AFF2: variants seen among roughly 807,000 people sequenced by gnomAD.
AFF2 encodes the protein AF4/FMR2 family member 2.
In AFF2, 14 loss-of-function variants were observed where a neutral mutation model predicts 76.9. The ratio of observed to expected loss-of-function variants is 0.18; its 90% CI spans 0.12 to 0.28. The LOEUF (loss-of-function observed/expected upper bound fraction) is 0.28, where lower values mean the gene tolerates loss of function less well. Among genes scored for constraint, AFF2 ranks in the 10% least tolerant of loss-of-function variants. AFF2 has a pLI of 1.00. For missense variants in AFF2, 868 were observed against 1,001.1 expected, an observed-to-expected ratio of 0.87 and a Z score of 1.79; for synonymous variants, 398 against 366.7, an observed-to-expected ratio of 1.09 and a Z score of -0.98.
intron 3 of AFF2, among the ~76,000 whole-genome samples, chrX:148,664,604 G>A (rs782681899): frequency 8.9e-6 from 1 of 112,038 alleles, no homozygotes; most frequent in Non-Finnish European, 1.9e-5. Flanking sequence ...TAGTGATTTA[G>A]TTATGTTTCT....
At chrX:148,585,270 A>C (rs2053455645) in intron 1 of AFF2, among the ~76,000 whole-genome samples, 1 of 111,867 alleles carries the variant, frequency 8.9e-6, no homozygotes, top group African/African-American at 3.3e-5. Context: ...TTTTGATGAA[A>C]GAGCTAGAGC....
At chrX:148,750,335 T>G (rs976197204) in intron 3 of AFF2, among the ~76,000 whole-genome samples, 13 of 111,331 alleles carry the variant, frequency 1.2e-4, no homozygotes, top group Non-Finnish European at 1.7e-4. Flanking sequence ...TCATCTTTGT[T>G]GGTTTTATTT....
At position 148,626,211 on chromosome X, in the gene AFF2, A is replaced by G. The variant is rs2053924336; in HGVS notation, c.48-25788A>G. On this transcript the variant is annotated intron_variant, in intron 1 of 20. Transcript: ENST00000370460. Reference sequence around the variant, plus strand: ...TCGGGTGGTATTGTCTTAGAGCAGCATCTCTCTACCATTTACTCTTTGTGG... The same window carrying G: ...TCGGGTGGTATTGTCTTAGAGCAGCGTCTCTCTACCATTTACTCTTTGTGG... Among the ~76,000 whole-genome samples, 3 of 110,490 alleles carry G rather than the reference A, an allele frequency of 2.7e-5. No individual in the cohort carries two copies. In the South Asian group the frequency reaches 1.2e-3, roughly 43 times the overall value.
chrX:148,573,506 CT>C lies in AFF2; in HGVS notation c.47+72372del, dbSNP rs1364542648. 8.2e-3 allele frequency among the ~76,000 whole-genome samples: 872 copies of C among 106,027 alleles called. 4 individuals are homozygous for C. Among genetic ancestry groups the C allele is most frequent in the Non-Finnish European group, 0.012 (636 of 50,885 alleles). The allele number at this position is 106,027 out of a possible 115,157, so 92.1% of individuals were successfully genotyped here. On this transcript the variant is annotated intron_variant, in intron 1 of 20. Transcript: ENST00000370460. The stretch of plus-strand genomic sequence containing the variant: ...TTGGTCTTTAAAATGGTGATAAAGA[CT>C]TTTTTTTTTGTCCTCAAGAATCACA...
intron 16 of AFF2, among the ~76,000 whole-genome samples, chrX:148,977,403 A>G (rs782638161): frequency 4.5e-5 from 5 of 110,607 alleles, no homozygotes; most frequent in Non-Finnish European, 9.4e-5. Context: ...ACCACTTTCA[A>G]TAGGAATATA....
At chrX:148,708,885 T>G in intron 3 of AFF2, among the ~76,000 whole-genome samples, 1 of 112,111 alleles carries the variant, frequency 8.9e-6, no homozygotes, top group African/African-American at 3.2e-5. Flanking sequence ...TATTTTACCG[T>G]TTTTCTGTAT....
intron 1 of AFF2, among the ~76,000 whole-genome samples, chrX:148,644,715 G>C (rs1472290978): frequency 1.8e-5 from 2 of 112,235 alleles, no homozygotes. Context: ...TTCATGAAAT[G>C]AAAAGACAAA....
intron 3 of AFF2, among the ~76,000 whole-genome samples, chrX:148,807,958 T>C (rs1279490025): frequency 6.2e-5 from 7 of 112,319 alleles, no homozygotes; most frequent in African/African-American, 2.3e-4. Flanking sequence ...TAGTTATTAA[T>C]TGGAAAATAA....
chrX:148,903,558 G>A (rs73640608), intron 8 of AFF2, among the ~76,000 whole-genome samples: 5,709 of 111,799 alleles, frequency 0.051, 350 homozygotes, highest in African/African-American at 0.18. Flanking sequence ...AACTGGAACC[G>A]GGCTCCATGT....
intron 3 of AFF2, among the ~76,000 whole-genome samples, chrX:148,732,988 G>T (rs1352401687): frequency 9.0e-6 from 1 of 111,073 alleles, no homozygotes; most frequent in Non-Finnish European, 1.9e-5. Context: ...AAAATGATTT[G>T]ATCTTTGGTC....
intron 4 of AFF2, among the ~76,000 whole-genome samples, chrX:148,811,018 T>C (rs1397619390): frequency 9.0e-6 from 1 of 111,326 alleles, no homozygotes; most frequent in Non-Finnish European, 1.9e-5. Context: ...ACCCGGAGTA[T>C]ACCTGATGTA....
chrX:148,553,978 T>C (rs782361748), intron 1 of AFF2, among the ~76,000 whole-genome samples: 10 of 111,121 alleles, frequency 9.0e-5, no homozygotes, highest in Non-Finnish European at 1.9e-4. Flanking sequence ...CATGGAAGTA[T>C]GGCTAGGAGT....
rs1557293964 is a variant in AFF2, at chrX:148,999,617, CGTGT to C, written c.*8292_*8295del. 2 of 102,203 alleles carry C rather than the reference CGTGT, an allele frequency of 2.0e-5. No individual in the cohort carries two copies. The highest frequency in any genetic ancestry group is 5.8e-4 in the East Asian group (2 of 3,449). The allele number at this position is 102,203 out of a possible 1,213,427, so 8.4% of individuals were successfully genotyped here. Reference sequence around the variant, plus strand: ...GTGTGTGTGTGCGCGCACACACGTGCGTGTGTGTGTCCCTGCATGTGCAACATGT... The same window carrying C: ...GTGTGTGTGTGCGCGCACACACGTGCGTGTGTCCCTGCATGTGCAACATGT... On this transcript the variant is annotated 3_prime_UTR_variant, in exon 21 of 21. Coordinates refer to ENST00000370460, the MANE Select transcript of AFF2 (RefSeq NM_002025.4).
chrX:148,501,528 C>G (rs1173202538), intron 1 of AFF2, among the ~76,000 whole-genome samples: 5 of 113,400 alleles, frequency 4.4e-5, no homozygotes, highest in Admixed American at 9.2e-5. Flanking sequence ...TCTCAACTTT[C>G]CAGGTGCCCA....
chrX:148,707,299 C>G (rs1383598176), intron 3 of AFF2, among the ~76,000 whole-genome samples: 1 of 110,698 alleles, frequency 9.0e-6, no homozygotes, highest in Non-Finnish European at 1.9e-5. Flanking sequence ...ACAGAGATAT[C>G]TTTTATTCAG....
intron 1 of AFF2, among the ~76,000 whole-genome samples, chrX:148,519,907 A>G (rs1557234292): frequency 3.6e-5 from 4 of 112,401 alleles, no homozygotes; most frequent in African/African-American, 1.3e-4. Context: ...ATATTATGAC[A>G]TTTTGTTTTA....
chrX:148,973,708 C>T (rs2072287711), intron 16 of AFF2, 101 bp downstream of exon 16: 1 of 904,118 alleles, frequency 1.1e-6, no homozygotes, highest in African/African-American at 2.0e-5. Flanking sequence ...ATAATTTGTC[C>T]AAGCCATCCT....
At chrX:148,899,949 A>AAT (rs201283360) in intron 8 of AFF2, among the ~76,000 whole-genome samples, 50 of 108,370 alleles carry the variant, frequency 4.6e-4, no homozygotes, top group East Asian at 3.7e-3. Flanking sequence ...ATTTTCTATA[A>AAT]ATATATATAT....
chrX:148,733,652 G>A (rs961787176), intron 3 of AFF2, among the ~76,000 whole-genome samples: 11 of 112,031 alleles, frequency 9.8e-5, no homozygotes, highest in African/African-American at 3.6e-4. Flanking sequence ...TCCACGATTT[G>A]TGTTTTTGTG....
Sources: allele counts gnomAD v4.1 joint callset (sites outside exome capture counted in the v4.1 genomes callset), GRCh38; gene constraint gnomAD v4.1.1; transcripts MANE v1.5; gene names NCBI Gene and HGNC (gene_info 2026-07-23, HGNC 2026-07-21).